The following MICAL3 variants were observed in gnomAD, a reference collection of about 807,000 sequenced individuals.
MICAL3 encodes the protein microtubule associated monooxygenase, calponin and LIM domain containing 3.
A neutral mutation model predicts 207.4 loss-of-function variants in MICAL3; 62 were observed. That is an observed-to-expected ratio of 0.30 (90% confidence interval 0.24 to 0.37). The LOEUF is 0.37. Among genes scored for constraint, MICAL3 ranks in the 10% least tolerant of loss-of-function variants. The pLI, the probability that MICAL3 is intolerant of heterozygous loss-of-function variation, is 1.00. For synonymous variants in MICAL3, 1,077 were observed against 1,069.3 expected, an observed-to-expected ratio of 1.01 and a Z score of -0.14; for missense variants, 2,368 against 2,635.6, an observed-to-expected ratio of 0.90 and a Z score of 2.22.
chr22:17,837,636 G>T (rs1207137794), intron 20 of MICAL3, among the ~76,000 whole-genome samples: 2 of 152,214 alleles, frequency 1.3e-5, no homozygotes, highest in Non-Finnish European at 2.9e-5. Context: ...TCTCCTCCAG[G>T]AGACAGGCCC....
chr22:17,990,727 G>A (rs750411816), intron 1 of MICAL3, among the ~76,000 whole-genome samples: 13 of 152,108 alleles, frequency 8.5e-5, no homozygotes, highest in Non-Finnish European at 1.3e-4. Context: ...ACCTCACTGC[G>A]CCTCATCTTT....
In MICAL3 at chr22:17,865,244, C is replaced by T. The variant is rs117269907; in HGVS notation, c.2518-258G>A. On this transcript the variant is annotated intron_variant, in intron 18 of 31. Transcript: ENST00000441493. ...TCCCACCTCAGCCTCCTGAGTCACC[C>T]GGAGTCAAAGTCTAGATCCACCTAG... Among the ~76,000 whole-genome samples the T allele has an allele frequency of 1.2e-3, 184 of 152,128 alleles. 1 individual carries two copies. In the East Asian group the frequency reaches 0.034, roughly 28 times the overall value.
At chr22:17,988,986 C>G (rs1921354995) in intron 1 of MICAL3, among the ~76,000 whole-genome samples, 1 of 152,140 alleles carries the variant, frequency 6.6e-6, no homozygotes, top group Non-Finnish European at 1.5e-5. Flanking sequence ...ACCTTCCGGC[C>G]TTTTACAGAA....
chr22:17,812,245 C>A (rs1010868613), intron 27 of MICAL3, among the ~76,000 whole-genome samples: 16 of 152,254 alleles, frequency 1.1e-4, no homozygotes, highest in Non-Finnish European at 2.1e-4. Context: ...GGGTGCCCAG[C>A]CCCACAGCGG....
At chr22:17,987,652 T>TGCTA (rs1163573482) in intron 1 of MICAL3, among the ~76,000 whole-genome samples, 5 of 152,352 alleles carry the variant, frequency 3.3e-5, no homozygotes, top group Admixed American at 1.3e-4. Flanking sequence ...ATTGGAGAGA[T>TGCTA]GCTAGCTTCA....
chr22:17,894,114 G>C (rs1437983789), intron 10 of MICAL3, among the ~76,000 whole-genome samples: 1 of 152,154 alleles, frequency 6.6e-6, no homozygotes, highest in East Asian at 1.9e-4. Context: ...CTTTGTGCTA[G>C]AAATCAGCTA....
At chr22:17,929,573 T>TTC (rs1933133951) in intron 1 of MICAL3, among the ~76,000 whole-genome samples, 1 of 128,950 alleles carries the variant, frequency 7.8e-6, no homozygotes, top group Admixed American at 7.4e-5. Context: ...CTTTTCTTTT[T>TTC]TTTTTTTTTT....
intron 20 of MICAL3, among the ~76,000 whole-genome samples, chr22:17,837,228 G>A (rs1713008436): frequency 6.6e-6 from 1 of 152,264 alleles, no homozygotes; most frequent in African/African-American, 2.4e-5. Context: ...AGGCGGGAGG[G>A]AGAGAACAGG....
rs117762460 is a variant in MICAL3, at chr22:17,907,824, G to C, written c.-74-938C>G. Among the ~76,000 whole-genome samples, 7 of 152,348 alleles carry C rather than the reference G, an allele frequency of 4.6e-5. No individual in the cohort carries two copies. The East Asian group carries it at 1.3e-3, about 29-fold the overall frequency. ...GTGTCAAAGTTGGCAGGGATTAAAA[G>C]AACTGAAGAAGTCCTGCTATTGCGT... On this transcript the variant is annotated intron_variant, in intron 1 of 31. Transcript: ENST00000441493.
At chr22:17,963,230 A>G (rs1008640037) in intron 1 of MICAL3, among the ~76,000 whole-genome samples, 3 of 152,084 alleles carry the variant, frequency 2.0e-5, no homozygotes. Context: ...CTCCCACCTC[A>G]GCCTCCCAAG....
Position 17,900,902 on chromosome 22 carries a change from T to C in MICAL3, c.787A>G (p.Ile263Val). The C allele has an allele frequency of 6.2e-7, 1 of 1,614,030 alleles. No individual in the cohort carries two copies. The highest frequency in any genetic ancestry group is 8.5e-7 in the Non-Finnish European group (1 of 1,179,890). ...TTGAATATAAAAGCCACACCACTGA[T>C]CTCTTCCACTTTAGCTTCTGCTGTT... is the stretch of plus-strand genomic sequence containing the variant. Reference protein sequence around the residue: ...NTTAEAKVEEISGVAFIFNQK... With the variant: ...NTTAEAKVEEVSGVAFIFNQK... Residue 263 changes from isoleucine (I) to valine (V), a missense_variant, in exon 6 of 32, where the codon ATC (isoleucine) becomes GTC (valine). This residue lies in a region of MICAL3 where 400 missense variants were observed against 547.0 expected (regional missense o/e 0.73). Coordinates refer to ENST00000441493, the MANE Select transcript of MICAL3 (RefSeq NM_015241.3). The surrounding 1 kb of genome is among the most constrained non-coding windows in gnomAD (Gnocchi z 4.0).
chr22:17,919,792 T>C (rs772499408), intron 1 of MICAL3, among the ~76,000 whole-genome samples: 5 of 152,188 alleles, frequency 3.3e-5, no homozygotes, highest in Non-Finnish European at 7.4e-5. Context: ...GTTCTTGCCA[T>C]CAGAAGAGAG....
intron 29 of MICAL3, among the ~76,000 whole-genome samples, chr22:17,794,081 G>A (rs1417455402): frequency 6.6e-6 from 1 of 152,220 alleles, no homozygotes; most frequent in Non-Finnish European, 1.5e-5. Context: ...GCATCACAGA[G>A]GGGGCGGGGG....
intron 29 of MICAL3, among the ~76,000 whole-genome samples, chr22:17,806,789 G>A (rs8140645): frequency 0.14 from 21,793 of 152,176 alleles, 2,418 homozygotes; most frequent in African/African-American, 0.3. Context: ...TGACTTAGAC[G>A]GCATTTGGGT....
At chr22:17,810,054 ATTT>A (rs758573402) in intron 28 of MICAL3, among the ~76,000 whole-genome samples, 155 of 97,042 alleles carry the variant, frequency 1.6e-3, no homozygotes, top group East Asian at 7.9e-3. Context: ...ATGCCTGGCT[ATTT>A]TTTTTTTTTT....
chr22:18,002,303 A>G (rs943493371), intron 1 of MICAL3, among the ~76,000 whole-genome samples: 7 of 151,592 alleles, frequency 4.6e-5, no homozygotes, highest in Admixed American at 1.3e-4. Context: ...GTTAGGGGGA[A>G]TTTCAAATTT....
At chr22:17,862,721 G>A in intron 19 of MICAL3, 1 of 985,446 alleles carries the variant, frequency 1.0e-6, no homozygotes, top group South Asian at 4.7e-5. Flanking sequence ...TTCTACCAAG[G>A]CTAGCAGCAG....
intron 1 of MICAL3, among the ~76,000 whole-genome samples, chr22:17,909,503 C>A (rs1311418174): frequency 6.6e-6 from 1 of 152,194 alleles, no homozygotes; most frequent in East Asian, 1.9e-4. Context: ...CCAGCCTCAG[C>A]GACAGAGTGA....
chr22:17,941,298 G>A (rs1021431772), intron 1 of MICAL3, among the ~76,000 whole-genome samples: 2 of 152,336 alleles, frequency 1.3e-5, no homozygotes, highest in Admixed American at 6.5e-5. Flanking sequence ...ACCGATGTCA[G>A]CCAAGTTGAA....
Sources: gnomAD v4.1 joint callset for allele counts (sites outside exome capture counted in the v4.1 genomes callset) on GRCh38, gnomAD v4.1.1 for gene constraint, gnomAD v4.1.1 regional missense constraint, Gnocchi (gnomAD v3.1) non-coding constraint, MANE v1.5 for transcripts, NCBI Gene and HGNC (gene_info 2026-07-23, HGNC 2026-07-21) for gene names.